The following CPT1B variants were observed in gnomAD, a reference collection of about 807,000 sequenced individuals.
The protein encoded by CPT1B is carnitine O-palmitoyltransferase 1, muscle isoform.
In CPT1B, 57 loss-of-function variants were observed where a neutral mutation model predicts 92.7. That is an observed-to-expected ratio of 0.62 (90% CI 0.50 to 0.77). The LOEUF (loss-of-function observed/expected upper bound fraction) is 0.77, where lower values mean the gene tolerates loss of function less well. Ranked by LOEUF, CPT1B falls within the 30% of genes least tolerant of loss-of-function variation. The probability of loss-of-function intolerance (pLI) is 0.00; values close to 1 mark genes in which losing one functional copy is unlikely to be tolerated. For missense variants in CPT1B, 983 were observed against 1,017.4 expected, an observed-to-expected ratio of 0.97 and a Z score of 0.46; for synonymous variants, 398 against 383.5, an observed-to-expected ratio of 1.04 and a Z score of -0.44.
chr22:50,578,070 C>A, intron 1 of CPT1B, 136 bp from the exon 2 acceptor site: 1 of 401,328 alleles, frequency 2.5e-6, no homozygotes, highest in African/African-American at 2.2e-5. Context: ...GCCCGCGCCC[C>A]CCGCCAGGCC....
rs2146627804 is a variant in CPT1B, at chr22:50,573,999, A to G, written c.971-284T>C. ...CGCCTAAGGATACAGTGTCAGAAGC[A>G]GGGAAGGCTGCTGCCTCTGCCAGAC... On this transcript the variant is annotated intron_variant, in intron 9 of 19. Transcript: ENST00000312108. The surrounding 1 kb of genome is among the most constrained non-coding windows in gnomAD (Gnocchi z 5.0). 1.4e-6 allele frequency: 1 copy of G among 698,540 alleles called. No individual in the cohort carries two copies. The highest frequency in any genetic ancestry group is 2.7e-6 in the Non-Finnish European group (1 of 374,280). 43.3% of individuals were successfully genotyped at this position (698,540 alleles called of 1,614,324 possible).
rs1487017921 is a variant in CPT1B, at chr22:50,577,820, G to A, written c.96C>T (p.Tyr32=). The A allele has an allele frequency of 1.1e-5, 17 of 1,613,758 alleles. No homozygotes were observed. The Admixed American group carries it at 2.2e-4, about 21-fold the overall frequency. ...RLSREALKHV[Y]LSGINSWKKR... ...TCTTCCAGGAGTTGATCCCAGACAG[G>A]TAGACGTGTTTCAGGGCCTCCCGAC... is the stretch of plus-strand genomic sequence containing the variant. The change falls in exon 2 of 20, where the codon TAC becomes TAT. Residue 32 remains tyrosine, a synonymous_variant. Transcript: ENST00000312108.
chr22:50,577,435 C>G lies in CPT1B; in HGVS notation c.170G>C (p.Gly57Ala), dbSNP rs753790477. The G allele has an allele frequency of 6.2e-7, 1 of 1,613,788 alleles. No homozygotes were observed. The highest frequency in any genetic ancestry group is 1.1e-5 in the South Asian group (1 of 91,090). ...KNGILRGVYP[G>A]SPTSWLVVIM... is the part of the protein sequence containing the mutation. ...GACGACCAGCCAGCTGGTGGGGCTGCCAGGGTACACGCCCCTGAGGATGCC... is the reference window on the plus strand; with the variant it reads ...GACGACCAGCCAGCTGGTGGGGCTGGCAGGGTACACGCCCCTGAGGATGCC... Residue 57 changes from glycine to alanine, a missense_variant, in exon 3 of 20, where the codon GGC becomes GCC. Gly to Ala is a moderately conservative substitution (Grantham distance 60). Transcript: ENST00000312108.
chr22:50,569,258 A>G lies in CPT1B; in HGVS notation c.*2+78T>C, dbSNP rs1275302397. ...GGAGCCTGGGCACCTGTGCACGGCC[A>G]CCCCTCATGCCTGTGAGCTGCCACA... On this transcript the variant is annotated intron_variant, in intron 19 of 19. Coordinates refer to ENST00000312108, the MANE Select transcript of CPT1B (RefSeq NM_152246.3). The G allele has an allele frequency of 2.1e-6, 3 of 1,438,358 alleles. No individual in the cohort carries two copies. In the Admixed American group the frequency reaches 5.4e-5, roughly 26 times the overall value. 89.1% of individuals were successfully genotyped at this position (1,438,358 alleles called of 1,614,324 possible).
Position 50,573,444 on chromosome 22 carries a change from G to T in CPT1B, c.1166+76C>A. On this transcript the variant is annotated intron_variant, in intron 10 of 19. Coordinates refer to ENST00000312108, the MANE Select transcript of CPT1B (RefSeq NM_152246.3). The surrounding 1 kb of genome is among the most constrained non-coding windows in gnomAD (Gnocchi z 5.0). Reference sequence around the variant, plus strand: ...GCCTCCAGCCTCCAGTTCCAGGGTGGCAGGCAGGGCCACGCTCCTCTCCTC... The same window carrying T: ...GCCTCCAGCCTCCAGTTCCAGGGTGTCAGGCAGGGCCACGCTCCTCTCCTC... 1.5e-6 allele frequency: 2 copies of T among 1,334,644 alleles called. No individual in the cohort carries two copies. The highest frequency in any genetic ancestry group is 2.1e-6 in the Non-Finnish European group (2 of 975,342). The allele number at this position is 1,334,644 out of a possible 1,614,324, so 82.7% of individuals were successfully genotyped here.
rs573075571 is a variant in CPT1B, at chr22:50,569,248, G to A, written c.*2+88C>T. On this transcript the variant is annotated intron_variant, in intron 19 of 19. Coordinates refer to ENST00000312108, the MANE Select transcript of CPT1B (RefSeq NM_152246.3). ...AGCTGTCCTTGGAGCCTGGGCACCT[G>A]TGCACGGCCACCCCTCATGCCTGTG... 13 of 1,338,358 alleles carry A rather than the reference G, an allele frequency of 9.7e-6. No homozygotes were observed. In the Admixed American group the frequency reaches 1.3e-4, roughly 13 times the overall value. 82.9% of individuals were successfully genotyped at this position (1,338,358 alleles called of 1,614,324 possible).
intron 2 of CPT1B, 25 bp downstream of exon 2, chr22:50,577,750 C>T (rs1472174748): frequency 2.5e-6 from 4 of 1,607,780 alleles, no homozygotes; most frequent in South Asian, 1.1e-5. Flanking sequence ...TCTGCCTACG[C>T]TCTGGGAGAA....
rs543271318 is a variant in CPT1B, at chr22:50,576,730, C to T, written c.460-93G>A. ...CTGAGACCCTCAGAGCCATCCCAGC[C>T]CCTCCAGGACAAACCACACACCAGG... On this transcript the variant is annotated intron_variant, in intron 4 of 19. Transcript: ENST00000312108. 9.3e-5 allele frequency: 144 copies of T among 1,553,022 alleles called. 3 individuals are homozygous for T. The East Asian group carries it at 3.1e-3, about 33-fold the overall frequency.
chr22:50,571,039 G>T lies in CPT1B; in HGVS notation c.1880C>A (p.Ala627Glu), dbSNP rs146224883. The T allele has an allele frequency of 2.5e-3, 3,973 of 1,613,986 alleles. 58 individuals are homozygous for T. Among genetic ancestry groups the T allele is most frequent in the Middle Eastern group, 0.012 (73 of 6,062 alleles). ...CTTCTGGAAGAGATCTCGCAGGTCT[G>T]CTTTCTGCGGGGCAGAAGTAAAGGG... is the stretch of plus-strand genomic sequence containing the variant. The part of the protein sequence containing the change: ...QAMMEGSHTK[A>E]DLRDLFQKAA... The change falls in exon 16 of 20, where the codon GCA (alanine) becomes GAA (glutamate). Residue 627 changes from alanine to glutamate, a missense_variant. Physicochemically the swap from Ala to Glu is moderately radical, Grantham distance 107 (BLOSUM62 -1). Transcript: ENST00000312108.
chr22:50,571,089 G>A (rs997901036), intron 15 of CPT1B, 46 bp from the exon 16 acceptor site: 3 of 1,611,586 alleles, frequency 1.9e-6, no homozygotes, highest in Non-Finnish European at 2.5e-6. Context: ...TGGCCCTCCA[G>A]GCAGACAGGA....
chr22:50,576,563 C>A lies in CPT1B; in HGVS notation c.534G>T (p.Val178=). Residue 178 remains valine, a synonymous_variant, in exon 5 of 20, where the codon GTG becomes GTT. Coordinates refer to ENST00000312108, the MANE Select transcript of CPT1B (RefSeq NM_152246.3). ...GCTGAATTGTGGCTGACACCCTGGG[C>A]ACAGGAAGCTTGGGCAGAGATGTCT... The part of the protein sequence containing the change: ...SFQTSLPKLP[V]PRVSATIQRY... 1 of 1,606,562 alleles carries A rather than the reference C, an allele frequency of 6.2e-7. No individual in the cohort carries two copies. Among genetic ancestry groups the A allele is most frequent in the Non-Finnish European group, 8.5e-7 (1 of 1,176,574 alleles).
At position 50,577,931 on chromosome 22, in the gene CPT1B, G is replaced by A. The variant is rs6520157; in HGVS notation, c.-16C>T. The A allele has an allele frequency of 0.04, 64,525 of 1,602,998 alleles. 2,493 individuals are homozygous for A. Among genetic ancestry groups the A allele is most frequent in the African/African-American group, 0.2 (14,739 of 74,810 alleles). On this transcript the variant is annotated 5_prime_UTR_variant, in exon 2 of 20. Coordinates refer to ENST00000312108, the MANE Select transcript of CPT1B (RefSeq NM_152246.3). ...CTTCCGCCATCCTGGGGGTTGGTCG[G>A]CACCTAGGACGGGGGCAGATGGGTG... is the stretch of plus-strand genomic sequence containing the variant.
chr22:50,576,004 C>T (rs779640137), intron 7 of CPT1B, 31 bp downstream of exon 7: 7 of 1,605,720 alleles, frequency 4.4e-6, no homozygotes, highest in South Asian at 1.1e-5. Flanking sequence ...GAGCTGAGCA[C>T]GTGCGGGGAC....
rs561711187 is a variant in CPT1B at position 50,572,973 on chromosome 22, G to A, written c.1254C>T (p.Phe418=). The A allele has an allele frequency of 1.9e-5, 31 of 1,613,796 alleles. No individual in the cohort carries two copies. The highest frequency in any genetic ancestry group is 6.7e-5 in the African/African-American group (5 of 75,054). The change falls in exon 11 of 20, where the codon TTC becomes TTT. Residue 418 remains phenylalanine, a synonymous_variant. Coordinates refer to ENST00000312108, the MANE Select transcript of CPT1B (RefSeq NM_152246.3). ...AGTAGGATTCCTCATCCAGGGCCACGAAGAAAGCGGCACGCTCGATGGCCT... is the reference window on the plus strand; with the variant it reads ...AGTAGGATTCCTCATCCAGGGCCACAAAGAAAGCGGCACGCTCGATGGCCT... The part of the protein sequence containing the change: ...ALEAIERAAF[F]VALDEESYSY...
Position 50,570,464 on chromosome 22 carries a change from G to A in CPT1B, c.2029-58C>T, listed in dbSNP as rs115627150. 1.4e-3 allele frequency: 1,892 copies of A among 1,362,632 alleles called. 7 individuals carry two copies. Among genetic ancestry groups the A allele is most frequent in the Non-Finnish European group, 1.8e-3 (1,743 of 985,606 alleles). The allele number at this position is 1,362,632 out of a possible 1,614,324, so 84.4% of individuals were successfully genotyped here. On this transcript the variant is annotated intron_variant, in intron 16 of 19. Transcript: ENST00000312108. ...CATACCCAAAGCACCTGTCCAACAC[G>A]TGGTGTCTGCGACCTACTCTGAGCC...
chr22:50,574,589 G>A lies in CPT1B; in HGVS notation c.789C>T (p.Leu263=), dbSNP rs1191894877. 1.9e-6 allele frequency: 3 copies of A among 1,613,898 alleles called. No homozygotes were observed. Among genetic ancestry groups the A allele is most frequent in the East Asian group, 2.2e-5 (1 of 44,892 alleles). Residue 263 remains leucine (L), a synonymous_variant, in exon 8 of 20, where the codon CTC becomes CTT. Coordinates refer to ENST00000312108, the MANE Select transcript of CPT1B (RefSeq NM_152246.3). ...CTGCCTGCACGTCTGTATTCTTGATGAGCACAAGGTCCTACAGAGGAACAG... is the reference window on the plus strand; with the variant it reads ...CTGCCTGCACGTCTGTATTCTTGATAAGCACAAGGTCCTACAGAGGAACAG... ...NSNYYVMDLV[L]IKNTDVQAAR... is the part of the protein sequence containing the mutation.
rs2070348708 is a variant in CPT1B at position 50,574,609 on chromosome 22, G to A, written c.778-9C>T. The A allele has an allele frequency of 6.2e-7, 1 of 1,613,102 alleles. No homozygotes were observed. Among genetic ancestry groups the A allele is most frequent in the Admixed American group, 1.7e-5 (1 of 59,986 alleles). ...TTGATGAGCACAAGGTCCTACAGAG[G>A]AACAGAGCCCGCGGGGTGGGGGCCT... On this transcript the variant is annotated splice_polypyrimidine_tract_variant and intron_variant, in intron 7 of 19. Transcript: ENST00000312108.
In CPT1B at chr22:50,577,010, C is replaced by G; in HGVS notation, c.306G>C (p.Gln102His). Residue 102 changes from glutamine (Q) to histidine (H), a missense_variant, in exon 4 of 20, where the codon CAG (glutamine) becomes CAC (histidine). Coordinates refer to ENST00000312108, the MANE Select transcript of CPT1B (RefSeq NM_152246.3). ...TGGCCATGCTGAGAAGTGCCCGGGTCTGCGGGGTCTGGTAGGGGCCACACC... is the reference window on the plus strand; with the variant it reads ...TGGCCATGCTGAGAAGTGCCCGGGTGTGCGGGGTCTGGTAGGGGCCACACC... Reference protein sequence around the residue: ...PQGCGPYQTPQTRALLSMAIF... With the variant: ...PQGCGPYQTPHTRALLSMAIF... 1.2e-6 allele frequency: 2 copies of G among 1,614,044 alleles called. No homozygotes were observed. Among genetic ancestry groups the G allele is most frequent in the South Asian group, 2.2e-5 (2 of 91,090 alleles).
intron 9 of CPT1B, 120 bp downstream of exon 9, chr22:50,574,215 A>C: frequency 1.3e-6 from 1 of 779,598 alleles, no homozygotes. Flanking sequence ...TATCTGTCAC[A>C]ATTGACTACT....
Sources: gnomAD v4.1 joint callset for allele counts on GRCh38, gnomAD v4.1.1 for gene constraint, Gnocchi (gnomAD v3.1) non-coding constraint, MANE v1.5 for transcripts, NCBI Gene and HGNC (gene_info 2026-07-23, HGNC 2026-07-21) for gene names.